Variants in RNF13 observed in about 807,000 individuals in gnomAD.
The protein encoded by RNF13 is ring finger protein 13.
A neutral mutation model predicts 37.7 loss-of-function variants in RNF13; 19 were observed. The observed-to-expected ratio is 0.50, with a 90% confidence interval of 0.35 to 0.74. The LOEUF (loss-of-function observed/expected upper bound fraction) is 0.74. RNF13 is among the 30% of genes least tolerant of loss of function. RNF13 has a pLI of 0.01. For synonymous variants in RNF13, 144 were observed against 157.8 expected (o/e 0.91, Z 0.65); for missense variants, 375 against 453.0 (o/e 0.83, Z 1.56).
intron 2 of RNF13, 38 bp from the exon 3 acceptor site, chr3:149,852,478 A>T (rs761966205): frequency 1.1e-6 from 1 of 901,576 alleles, no homozygotes; most frequent in Non-Finnish European, 1.7e-6. Flanking sequence ...TTATATATAA[A>T]TTGGTCTTAA....
chr3:149,865,865 C>T (rs1002165494), intron 3 of RNF13, among the ~76,000 whole-genome samples: 3 of 151,806 alleles, frequency 2.0e-5, no homozygotes, highest in African/African-American at 4.8e-5. Context: ...TCTTGGATCT[C>T]GTGCAAGAAA....
At chr3:149,925,494 A>T (rs1718547550) in intron 8 of RNF13, among the ~76,000 whole-genome samples, 1 of 152,132 alleles carries the variant, frequency 6.6e-6, no homozygotes. Flanking sequence ...CTATTTTTGA[A>T]TTGTATTTTT....
At chr3:149,825,318 C>T (rs1420654723) in intron 1 of RNF13, among the ~76,000 whole-genome samples, 1 of 152,122 alleles carries the variant, frequency 6.6e-6, no homozygotes, top group Non-Finnish European at 1.5e-5. Context: ...CAGGCACCAC[C>T]ACGCCTGGCT....
rs1481702493 is a variant in RNF13, at chr3:149,919,729, T to C, written c.607-1405T>C. Among the ~76,000 whole-genome samples, 9 of 152,346 alleles carry C rather than the reference T, an allele frequency of 5.9e-5. No homozygotes were observed. In the East Asian group the frequency reaches 7.7e-4, roughly 13 times the overall value. ...CATGGACATTTGTTGTATGGAAATA[T>C]GCTTTCATTTCTATTGGGTAAGTAT... On this transcript the variant is annotated intron_variant, in intron 7 of 9. Transcript: ENST00000392894.
At chr3:149,939,639 T>C in intron 8 of RNF13, 1 of 650,034 alleles carries the variant, frequency 1.5e-6, no homozygotes, top group South Asian at 1.4e-5. Context: ...ATTTATCCTT[T>C]GCTCCAGTCC....
intron 1 of RNF13, among the ~76,000 whole-genome samples, chr3:149,829,905 TAGTG>T (rs930971577): frequency 3.9e-5 from 6 of 152,160 alleles, no homozygotes; most frequent in Admixed American, 2.0e-4. Flanking sequence ...GTTCTCGTGA[TAGTG>T]AGTAAGTCTC....
intron 3 of RNF13, among the ~76,000 whole-genome samples, chr3:149,859,008 C>T (rs537975060): frequency 1.3e-5 from 2 of 152,220 alleles, no homozygotes; most frequent in East Asian, 1.9e-4. Context: ...ATTTGTGTTA[C>T]GTCCTTTGCC....
intron 3 of RNF13, among the ~76,000 whole-genome samples, chr3:149,856,088 T>C (rs1320442246): frequency 1.3e-5 from 2 of 151,926 alleles, no homozygotes; most frequent in Non-Finnish European, 2.9e-5. Context: ...TTAAAAGATA[T>C]GTTGATGAGT....
intron 8 of RNF13, among the ~76,000 whole-genome samples, chr3:149,929,593 G>A (rs1269993571): frequency 6.6e-6 from 1 of 152,134 alleles, no homozygotes; most frequent in African/African-American, 2.4e-5. Context: ...AGTGGTGAAA[G>A]TGGCCATTCT....
At chr3:149,919,145 A>G (rs1717859158) in intron 7 of RNF13, among the ~76,000 whole-genome samples, 1 of 152,182 alleles carries the variant, frequency 6.6e-6, no homozygotes, top group African/African-American at 2.4e-5. Flanking sequence ...CTTTAAAAAA[A>G]TTTATGGAGG....
chr3:149,864,525 C>T (rs559342184), intron 3 of RNF13, among the ~76,000 whole-genome samples: 1 of 152,206 alleles, frequency 6.6e-6, no homozygotes, highest in South Asian at 2.1e-4. Context: ...GCATTGTCCT[C>T]CAGAGCGCAC....
At chr3:149,867,292 GTCT>G (rs1222109805) in intron 3 of RNF13, among the ~76,000 whole-genome samples, 1 of 151,194 alleles carries the variant, frequency 6.6e-6, no homozygotes. Context: ...TTGAGACAGA[GTCT>G]TGCTCTGTCA....
At chr3:149,959,591 C>T (rs1722186185) in intron 8 of RNF13, among the ~76,000 whole-genome samples, 1 of 152,184 alleles carries the variant, frequency 6.6e-6, no homozygotes, top group African/African-American at 2.4e-5. Flanking sequence ...TTGCCAAGCA[C>T]CACAGAATTT....
At chr3:149,932,353 G>T (rs79626064) in intron 8 of RNF13, among the ~76,000 whole-genome samples, 4 of 151,976 alleles carry the variant, frequency 2.6e-5, no homozygotes, top group Admixed American at 2.6e-4. Context: ...TTCCTCTTGC[G>T]TAGTACAATA....
intron 1 of RNF13, among the ~76,000 whole-genome samples, chr3:149,834,980 T>A (rs1178999396): frequency 6.6e-6 from 1 of 152,212 alleles, no homozygotes. Context: ...TGTAAAAGAA[T>A]GAATTTGACC....
intron 8 of RNF13, among the ~76,000 whole-genome samples, chr3:149,947,971 A>T (rs972929796): frequency 1.3e-5 from 2 of 151,976 alleles, no homozygotes; most frequent in Non-Finnish European, 2.9e-5. Flanking sequence ...TTTGTTTGAG[A>T]AGGAGTCTTG....
chr3:149,899,456 T>TTGAATGAA (rs1376664921), intron 5 of RNF13, among the ~76,000 whole-genome samples: 2 of 151,922 alleles, frequency 1.3e-5, no homozygotes, highest in Admixed American at 6.6e-5. Flanking sequence ...CTCCAAATGA[T>TTGAATGAA]TGAATGAATG....
chr3:149,884,467 C>CT (rs1559928377), intron 4 of RNF13, among the ~76,000 whole-genome samples: 1 of 151,580 alleles, frequency 6.6e-6, no homozygotes, highest in Non-Finnish European at 1.5e-5. Context: ...AATTGTTAAT[C>CT]TTTTTTCCAG....
At chr3:149,832,019 ATAGT>A (rs1336104527) in intron 1 of RNF13, among the ~76,000 whole-genome samples, 5 of 152,246 alleles carry the variant, frequency 3.3e-5, no homozygotes, top group African/African-American at 1.2e-4. Flanking sequence ...TTCCACTAAA[ATAGT>A]TAATTAATTG....
Sources: allele counts gnomAD v4.1 joint callset (sites outside exome capture counted in the v4.1 genomes callset), GRCh38; gene constraint gnomAD v4.1.1; transcripts MANE v1.5; gene names NCBI Gene and HGNC (gene_info 2026-07-23, HGNC 2026-07-21).